The following DAAM1 variants were observed in gnomAD, a reference collection of about 807,000 sequenced individuals.
The protein encoded by DAAM1 is dishevelled associated activator of morphogenesis 1, also known as disheveled-associated activator of morphogenesis 1.
DAAM1 carries 52 observed loss-of-function variants against 130.0 expected under a neutral mutation model. The ratio of observed to expected loss-of-function variants is 0.40; its 90% CI spans 0.32 to 0.50. The LOEUF (loss-of-function observed/expected upper bound fraction) is 0.50. Among genes scored for constraint, DAAM1 ranks in the 20% least tolerant of loss-of-function variants. The pLI is 0.61. For missense variants in DAAM1, 1,134 were observed against 1,303.8 expected, an observed-to-expected ratio of 0.87 and a Z score of 2.01; for synonymous variants, 452 against 444.5, an observed-to-expected ratio of 1.02 and a Z score of -0.21.
chr14:59,257,603 G>A (rs758967060), intron 1 of DAAM1, among the ~76,000 whole-genome samples: 6 of 152,200 alleles, frequency 3.9e-5, no homozygotes, highest in Non-Finnish European at 8.8e-5. Context: ...GCACGCACGT[G>A]CCTGCGTATG....
rs951466302 is a variant in DAAM1 at position 59,248,835 on chromosome 14, G to A, written c.-37-14606G>A. Among the ~76,000 whole-genome samples the A allele has an allele frequency of 8.5e-5, 13 of 152,162 alleles. No homozygotes were observed. In the South Asian group the frequency reaches 1.0e-3, roughly 12 times the overall value. On this transcript the variant is annotated intron_variant, in intron 1 of 24. Transcript: ENST00000360909. Reference sequence around the variant, plus strand: ...GTCTCGCTCTGTCGCCCAGGCTGGAGTGCAGTGGTGCGATCTCGGCTCACT... The same window carrying A: ...GTCTCGCTCTGTCGCCCAGGCTGGAATGCAGTGGTGCGATCTCGGCTCACT...
intron 2 of DAAM1, among the ~76,000 whole-genome samples, chr14:59,289,784 A>ATATATATATATATACAT: frequency 2.3e-5 from 3 of 128,696 alleles, no homozygotes; most frequent in African/African-American, 8.6e-5. Flanking sequence ...ATATATATAT[A>ATATATATATATATACAT]ATGGAATGCT....
intron 3 of DAAM1, among the ~76,000 whole-genome samples, chr14:59,293,604 A>G (rs1201030791): frequency 6.6e-6 from 1 of 152,178 alleles, no homozygotes; most frequent in East Asian, 1.9e-4. Context: ...ATGACTTAGC[A>G]ATCAGTGGGA....
intron 16 of DAAM1, among the ~76,000 whole-genome samples, chr14:59,343,636 T>G (rs1885939178): frequency 6.6e-6 from 1 of 152,212 alleles, no homozygotes; most frequent in Non-Finnish European, 1.5e-5. Flanking sequence ...TATTTAAGAT[T>G]ATACCTTAAA....
At position 59,188,755 on chromosome 14, in the gene DAAM1, C is replaced by G. The variant is rs1221840479; in HGVS notation, c.-51C>G. 1 of 153,018 alleles carries G rather than the reference C, an allele frequency of 6.5e-6. No individual in the cohort carries two copies. Among genetic ancestry groups the G allele is most frequent in the Non-Finnish European group, 1.5e-5 (1 of 68,352 alleles). 9.5% of individuals were successfully genotyped at this position (153,018 alleles called of 1,614,324 possible). A position where few individuals can be genotyped will look rare whatever the true frequency, so the allele number is the denominator to read the frequency against. On this transcript the variant is annotated 5_prime_UTR_variant, in exon 1 of 25. Coordinates refer to ENST00000360909, the MANE Select transcript of DAAM1 (RefSeq NM_001270520.2). ...AGTGCAGAGCCGCCTTTCCAGCATG[C>G]AGGGGCTGCTCAGGTAAGGGGGACG...
chr14:59,195,006 A>C (rs1446183252), intron 1 of DAAM1, among the ~76,000 whole-genome samples: 1 of 152,268 alleles, frequency 6.6e-6, no homozygotes, highest in Non-Finnish European at 1.5e-5. Context: ...GCTATGCCTT[A>C]ACGGCATATT....
At chr14:59,236,639 C>G (rs1323469633) in intron 1 of DAAM1, among the ~76,000 whole-genome samples, 1 of 151,946 alleles carries the variant, frequency 6.6e-6, no homozygotes, top group African/African-American at 2.4e-5. Flanking sequence ...TCTAAATATC[C>G]TGTTTTATCC....
chr14:59,259,088 G>A (rs141724952), intron 1 of DAAM1, among the ~76,000 whole-genome samples: 3 of 152,316 alleles, frequency 2.0e-5, no homozygotes, highest in African/African-American at 7.2e-5. Flanking sequence ...CCTCAGTGCA[G>A]CCAGAATGTA....
intron 1 of DAAM1, among the ~76,000 whole-genome samples, chr14:59,203,821 C>T (rs1594755448): frequency 6.6e-6 from 1 of 152,176 alleles, no homozygotes; most frequent in Non-Finnish European, 1.5e-5. Context: ...GATTATTTTG[C>T]AGCATGTTTC....
intron 24 of DAAM1, among the ~76,000 whole-genome samples, chr14:59,368,324 T>A (rs1217239359): frequency 1.3e-5 from 2 of 152,180 alleles, no homozygotes; most frequent in African/African-American, 4.8e-5. Context: ...GTCTATGTAA[T>A]AGTGATACCT....
intron 1 of DAAM1, among the ~76,000 whole-genome samples, chr14:59,205,286 T>C (rs1398862803): frequency 1.3e-5 from 2 of 152,238 alleles, no homozygotes; most frequent in Admixed American, 1.3e-4. Context: ...ATTAGGTCCA[T>C]GTATATAGAG....
At chr14:59,263,412 C>G in intron 1 of DAAM1, 29 bp from the exon 2 acceptor site, 1 of 1,592,436 alleles carries the variant, frequency 6.3e-7, no homozygotes, top group Non-Finnish European at 8.6e-7. Context: ...TTCCTGTACT[C>G]TTAACCATGT....
intron 17 of DAAM1, among the ~76,000 whole-genome samples, chr14:59,348,806 G>A (rs905559864): frequency 6.6e-6 from 1 of 152,142 alleles, no homozygotes; most frequent in Admixed American, 6.5e-5. Context: ...ACCATGCAGG[G>A]AGGAATGATG....
At position 59,369,691 on chromosome 14, in the gene DAAM1, A is replaced by AAAAT. The variant is rs1887073822; in HGVS notation, c.*835_*838dup. 6.6e-6 allele frequency: 1 copy of AAAAT among 151,624 alleles called. No individual in the cohort carries two copies. Among genetic ancestry groups the AAAAT allele is most frequent in the African/African-American group, 2.4e-5 (1 of 41,206 alleles). 9.4% of individuals were successfully genotyped at this position (151,624 alleles called of 1,614,324 possible). On this transcript the variant is annotated 3_prime_UTR_variant, in exon 25 of 25. Coordinates refer to ENST00000360909, the MANE Select transcript of DAAM1 (RefSeq NM_001270520.2). Reference sequence around the variant, plus strand: ...TAACAATATAGATATATAAACCTTAAAAATAATAAAATATCTCACCCAAGA... The same window carrying AAAAT: ...TAACAATATAGATATATAAACCTTAAAAATAAATAATAAAATATCTCACCCAAGA...
At chr14:59,274,675 T>A (rs1882877201) in intron 2 of DAAM1, among the ~76,000 whole-genome samples, 1 of 152,234 alleles carries the variant, frequency 6.6e-6, no homozygotes, top group Non-Finnish European at 1.5e-5. Flanking sequence ...AATGTATGCA[T>A]GCATGCATGA....
intron 1 of DAAM1, among the ~76,000 whole-genome samples, chr14:59,191,926 T>C (rs1279171091): frequency 6.6e-6 from 1 of 151,948 alleles, no homozygotes; most frequent in Non-Finnish European, 1.5e-5. Flanking sequence ...GTGAAAGAAA[T>C]GTGAAAGAAC....
At chr14:59,189,258 C>T (rs1183857224) in intron 1 of DAAM1, among the ~76,000 whole-genome samples, 1 of 152,184 alleles carries the variant, frequency 6.6e-6, no homozygotes. Context: ...AGGAGGGACT[C>T]GTGTACCCGT....
At chr14:59,343,407 G>T (rs1885928258) in intron 16 of DAAM1, among the ~76,000 whole-genome samples, 1 of 152,136 alleles carries the variant, frequency 6.6e-6, no homozygotes, top group African/African-American at 2.4e-5. Context: ...TGGGGACAAT[G>T]AATAGGAATG....
intron 23 of DAAM1, among the ~76,000 whole-genome samples, chr14:59,366,396 G>T (rs1453323978): frequency 6.6e-6 from 1 of 152,080 alleles, no homozygotes; most frequent in Non-Finnish European, 1.5e-5. Context: ...AGCATTATTT[G>T]TGATTGGGAA....
Sources: allele counts gnomAD v4.1 joint callset (sites outside exome capture counted in the v4.1 genomes callset), GRCh38; gene constraint gnomAD v4.1.1; transcripts MANE v1.5; gene names NCBI Gene and HGNC (gene_info 2026-07-23, HGNC 2026-07-21).